The following RGS6 variants were observed in gnomAD, a reference collection of about 807,000 sequenced individuals.
RGS6 encodes the protein regulator of G protein signaling 6.
Under a neutral mutation model 78.5 loss-of-function variants are expected in RGS6, and 30 were observed. That is an observed-to-expected ratio of 0.38 (90% CI 0.29 to 0.52). The LOEUF (loss-of-function observed/expected upper bound fraction) is 0.52. Ranked by LOEUF, RGS6 falls within the 20% of genes least tolerant of loss-of-function variation. The pLI, the probability that RGS6 is intolerant of heterozygous loss-of-function variation, is 0.85. For missense variants in RGS6, 495 were observed against 609.7 expected, an observed-to-expected ratio of 0.81 and a Z score of 1.98; for synonymous variants, 206 against 206.0, an observed-to-expected ratio of 1.00 and a Z score of 0.00.
chr14:72,458,130 C>T (rs970478478), intron 4 of RGS6, 141 bp from the exon 5 acceptor site: 1 of 625,888 alleles, frequency 1.6e-6, no homozygotes, highest in Non-Finnish European at 2.8e-6. Context: ...CCCCTCCTCA[C>T]CCCCACACTG....
intron 3 of RGS6, among the ~76,000 whole-genome samples, chr14:72,411,965 T>C (rs1016790498): frequency 2.0e-5 from 3 of 152,216 alleles, no homozygotes; most frequent in Admixed American, 1.3e-4. Context: ...TGGATTCGGT[T>C]TGCCAGTATT....
At chr14:71,882,438 G>A in the RGS6 span, among the ~76,000 whole-genome samples, 1 of 152,268 alleles carries the variant, frequency 6.6e-6, no homozygotes, top group East Asian at 1.9e-4. Context: ...ATACCTGTTT[G>A]AGCCCCTGCT....
intron 12 of RGS6, among the ~76,000 whole-genome samples, chr14:72,479,287 A>G (rs1028107167): frequency 2.0e-5 from 3 of 152,132 alleles, no homozygotes; most frequent in Non-Finnish European, 4.4e-5. Context: ...TGAATACCCT[A>G]CCTTCAGGGG....
chr14:72,200,393 A>G (rs193253901), intron 2 of RGS6, among the ~76,000 whole-genome samples: 1 of 152,284 alleles, frequency 6.6e-6, no homozygotes, highest in African/African-American at 2.4e-5. Context: ...TCTCAGTAAC[A>G]TCAGTGAAGG....
At chr14:72,072,550 C>T (rs1008487157) in intron 2 of RGS6, among the ~76,000 whole-genome samples, 1 of 151,860 alleles carries the variant, frequency 6.6e-6, no homozygotes, top group Non-Finnish European at 1.5e-5. Context: ...CTCAGGTGAT[C>T]CACCTGCCCC....
chr14:72,209,975 C>T (rs960817121), intron 2 of RGS6, among the ~76,000 whole-genome samples: 4 of 152,100 alleles, frequency 2.6e-5, no homozygotes, highest in Admixed American at 6.5e-5. Context: ...TAATTATTGC[C>T]ATATTAGGTA....
intron 2 of RGS6, among the ~76,000 whole-genome samples, chr14:72,032,051 C>T (rs1163104412): frequency 6.6e-6 from 1 of 152,124 alleles, no homozygotes; most frequent in African/African-American, 2.4e-5. Context: ...GTTTAATGGA[C>T]TGCTGTATGT....
chr14:72,496,627 C>T (rs1378143925), intron 13 of RGS6, among the ~76,000 whole-genome samples: 1 of 152,150 alleles, frequency 6.6e-6, no homozygotes, highest in Non-Finnish European at 1.5e-5. Context: ...TGTTAGGATA[C>T]AAATACATAT....
chr14:72,114,048 C>T (rs1435049837), intron 2 of RGS6, among the ~76,000 whole-genome samples: 1 of 152,052 alleles, frequency 6.6e-6, no homozygotes, highest in Non-Finnish European at 1.5e-5. Flanking sequence ...GGACTTCTAC[C>T]CAGAGATAAT....
chr14:72,537,438 G>C (rs1020136057), intron 16 of RGS6: 4 of 701,912 alleles, frequency 5.7e-6, no homozygotes, highest in African/African-American at 1.7e-5. Flanking sequence ...AGAGGCCATG[G>C]AGTCTGAGAA....
chr14:72,039,434 G>A (rs760497257), intron 2 of RGS6, among the ~76,000 whole-genome samples: 3 of 152,032 alleles, frequency 2.0e-5, no homozygotes, highest in Admixed American at 1.3e-4. Flanking sequence ...CCCTTTTATT[G>A]TTGTATAATG....
chr14:72,606,149 T>A, the RGS6 span, among the ~76,000 whole-genome samples: 1 of 152,044 alleles, frequency 6.6e-6, no homozygotes, highest in African/African-American at 2.4e-5. Flanking sequence ...TGTCTGGTAT[T>A]AAACCATGCC....
chr14:72,130,240 A>G (rs1024176108), intron 2 of RGS6, among the ~76,000 whole-genome samples: 3 of 152,332 alleles, frequency 2.0e-5, no homozygotes, highest in Admixed American at 1.3e-4. Context: ...TTCTGTCCCC[A>G]TGAATGGGAC....
chr14:72,243,109 C>T (rs1485509467), intron 2 of RGS6, among the ~76,000 whole-genome samples: 2 of 152,132 alleles, frequency 1.3e-5, no homozygotes, highest in Non-Finnish European at 2.9e-5. Flanking sequence ...CTCGGCCTCC[C>T]AAAGTGCTGG....
chr14:71,886,963 A>T, the RGS6 span, among the ~76,000 whole-genome samples: 1 of 152,202 alleles, frequency 6.6e-6, no homozygotes, highest in African/African-American at 2.4e-5. Context: ...CAGCCTGGCC[A>T]ACATGGTGAA....
chr14:72,413,078 T>C (rs1270961363), intron 3 of RGS6, among the ~76,000 whole-genome samples: 3 of 152,344 alleles, frequency 2.0e-5, no homozygotes, highest in African/African-American at 7.2e-5. Flanking sequence ...TAGATGTCTA[T>C]TAGGTCCGCT....
chr14:71,942,079 G>A (rs2090684989), intron 1 of RGS6, among the ~76,000 whole-genome samples: 1 of 152,156 alleles, frequency 6.6e-6, no homozygotes, highest in African/African-American at 2.4e-5. Context: ...TTCTGGAGTA[G>A]TCAAGACAAA....
chr14:71,925,718 A>ATATTATATTATATTATAT, the RGS6 span, among the ~76,000 whole-genome samples: 11 of 147,892 alleles, frequency 7.4e-5, no homozygotes, highest in African/African-American at 2.5e-4. Context: ...ACTTCATATT[A>ATATTATATTATATTATAT]TATTATATTA....
the RGS6 span, among the ~76,000 whole-genome samples, chr14:72,588,264 T>C: frequency 2.0e-5 from 3 of 152,002 alleles, no homozygotes; most frequent in African/African-American, 7.3e-5. Flanking sequence ...ATCATAAATA[T>C]TGTAAAAGGG....
Sources: allele counts gnomAD v4.1 joint callset (sites outside exome capture counted in the v4.1 genomes callset), GRCh38; gene constraint gnomAD v4.1.1; transcripts MANE v1.5; gene names NCBI Gene and HGNC (gene_info 2026-07-23, HGNC 2026-07-21).